POMGNT1: variants seen among roughly 807,000 people sequenced by gnomAD.
The protein encoded by POMGNT1 is protein O-linked-mannose beta-1,2-N-acetylglucosaminyltransferase 1.
In POMGNT1, 67 loss-of-function variants were observed where a neutral mutation model predicts 95.6. The observed-to-expected ratio is 0.70, with a 90% CI of 0.58 to 0.86. The LOEUF is 0.86. Ranked by LOEUF, POMGNT1 falls within the 40% of genes least tolerant of loss-of-function variation. POMGNT1 has a pLI of 0.00. For synonymous variants in POMGNT1, 298 were observed against 317.9 expected, an observed-to-expected ratio of 0.94 and a Z score of 0.66; for missense variants, 719 against 855.2, an observed-to-expected ratio of 0.84 and a Z score of 1.99.
Position 46,196,527 on chromosome 1 carries a change from C to T in POMGNT1, c.354+204G>A, listed in dbSNP as rs1167788166. Reference sequence around the variant, plus strand: ...ATTACTTTTGAGATCCCACTACATACAAGACACTTCACAAACTTTTCATTG... The same window carrying T: ...ATTACTTTTGAGATCCCACTACATATAAGACACTTCACAAACTTTTCATTG... On this transcript the variant is annotated intron_variant, in intron 4 of 21. Coordinates refer to ENST00000371984, the MANE Select transcript of POMGNT1 (RefSeq NM_017739.4). This position sits in a 1 kb window ranked among gnomAD's most constrained non-coding sequence, Gnocchi z 4.4. Among the ~76,000 whole-genome samples, 1 of 152,240 alleles carries T rather than the reference C, an allele frequency of 6.6e-6. No homozygotes were observed. Among genetic ancestry groups the T allele is most frequent in the African/African-American group, 2.4e-5 (1 of 41,460 alleles).
chr1:46,191,229 C>T lies in POMGNT1; in HGVS notation c.1540-445G>A, dbSNP rs1411508295. 12 of 271,066 alleles carry T rather than the reference C, an allele frequency of 4.4e-5. 1 individual carries two copies. Among genetic ancestry groups the T allele is most frequent in the South Asian group, 2.5e-4 (6 of 23,818 alleles). The allele number at this position is 271,066 out of a possible 1,614,324, so 16.8% of individuals were successfully genotyped here. The stretch of plus-strand genomic sequence containing the variant: ...CCCTCTCTGGGAGAGGAATGGGGCT[C>T]GCGTATTAGTCAGCCTCTGAGGGAC... On this transcript the variant is annotated intron_variant, in intron 17 of 21. Transcript: ENST00000371984.
intron 16 of POMGNT1, 34 bp downstream of exon 16, chr1:46,192,274 G>A (rs768117136): frequency 1.2e-6 from 2 of 1,614,172 alleles, no homozygotes; most frequent in Non-Finnish European, 1.7e-6. Flanking sequence ...GTTGGTAGGG[G>A]ACTCCAGCCC....
Position 46,196,679 on chromosome 1 carries a change from C to T in POMGNT1, c.354+52G>A. 6.2e-7 allele frequency: 1 copy of T among 1,613,338 alleles called. No individual in the cohort carries two copies. Among genetic ancestry groups the T allele is most frequent in the Non-Finnish European group, 8.5e-7 (1 of 1,179,992 alleles). Reference sequence around the variant, plus strand: ...GGCAGTAGACCCTGCTGCCAGTGGACCATGCCCTGAGCAGAATAGAGTGAC... The same window carrying T: ...GGCAGTAGACCCTGCTGCCAGTGGATCATGCCCTGAGCAGAATAGAGTGAC... On this transcript the variant is annotated intron_variant, in intron 4 of 21. Transcript: ENST00000371984. This position sits in a 1 kb window ranked among gnomAD's most constrained non-coding sequence, Gnocchi z 4.4.
At chr1:46,202,563 C>T (rs1426042409), upstream of POMGNT1, among the ~76,000 whole-genome samples, 3 of 151,680 alleles carry the variant, frequency 2.0e-5, no homozygotes, top group African/African-American at 4.8e-5. Context: ...GGCATGGTGG[C>T]GCATGCCTGT....
intron 1 of POMGNT1, among the ~76,000 whole-genome samples, chr1:46,206,558 C>T (rs1658723653): frequency 6.6e-6 from 1 of 152,112 alleles, no homozygotes; most frequent in African/African-American, 2.4e-5. Context: ...AGCTGTTTAT[C>T]CTATACTCTA....
Position 46,197,599 on chromosome 1 carries a change from C to G in POMGNT1, c.120+103G>C, listed in dbSNP as rs1020394865. 6.9e-6 allele frequency: 11 copies of G among 1,583,354 alleles called. No homozygotes were observed. The African/African-American group carries it at 1.3e-4, about 19-fold the overall frequency. ...TCTCCCCTCTAGGAACCTGCTGCCC[C>G]TTTCCCACTGGGGCTGGCCAACAGG... On this transcript the variant is annotated intron_variant, in intron 2 of 21. Coordinates refer to ENST00000371984, the MANE Select transcript of POMGNT1 (RefSeq NM_017739.4).
intron 1 of POMGNT1, among the ~76,000 whole-genome samples, chr1:46,206,133 C>T (rs1291621423): frequency 6.6e-6 from 1 of 152,218 alleles, no homozygotes; most frequent in Non-Finnish European, 1.5e-5. Context: ...CAACCCACCT[C>T]CACAGAGGCA....
Position 46,188,741 on chromosome 1 carries a change from A to T in POMGNT1, c.*529T>A, listed in dbSNP as rs774668767. On this transcript the variant is annotated 3_prime_UTR_variant, in exon 22 of 22. Coordinates refer to ENST00000371984, the MANE Select transcript of POMGNT1 (RefSeq NM_017739.4). ...AACTTATCCAGCTTTGGAAATCTGG[A>T]CAAAGAGAAGGCTGAGAGGAGGCCT... 16 of 1,609,528 alleles carry T rather than the reference A, an allele frequency of 9.9e-6. No individual in the cohort carries two copies. The highest frequency in any genetic ancestry group is 1.4e-5 in the Non-Finnish European group (16 of 1,177,466).
In POMGNT1 at chr1:46,196,940, C is replaced by T. The variant is rs1374225111; in HGVS notation, c.235+30G>A. 2 of 1,614,056 alleles carry T rather than the reference C, an allele frequency of 1.2e-6. No individual in the cohort carries two copies. Among genetic ancestry groups the T allele is most frequent in the Non-Finnish European group, 1.7e-6 (2 of 1,180,028 alleles). On this transcript the variant is annotated intron_variant, in intron 3 of 21. Coordinates refer to ENST00000371984, the MANE Select transcript of POMGNT1 (RefSeq NM_017739.4). The surrounding 1 kb of genome is among the most constrained non-coding windows in gnomAD (Gnocchi z 4.4). ...GCCACTCCAGCTGTGAGATCCAAGG[C>T]CCCCTACCCCATCCTTAGCCTAGCC...
rs199534074 is a variant in POMGNT1, at chr1:46,189,326, A to C, written c.1927T>G (p.Phe643Val). ...VKKPPSVTPI[F>V]LEPPPKEEGA... ...TCCTCCTTTGGGGGTGGCTCCAGGA[A>C]AATTGGGGTGACTGAGGGTGGCTTC... is the stretch of plus-strand genomic sequence containing the variant. The change falls in exon 22 of 22, where the codon TTC becomes GTC. Residue 643 changes from phenylalanine to valine, a missense_variant. This residue lies in a region of POMGNT1 where 130 missense variants were observed against 149.2 expected (regional missense o/e 0.87). Transcript: ENST00000371984. The C allele has an allele frequency of 2.0e-5, 32 of 1,613,734 alleles. No individual in the cohort carries two copies. The highest frequency in any genetic ancestry group is 6.7e-5 in the Admixed American group (4 of 59,994).
chr1:46,191,630 A>G (rs556053493), intron 17 of POMGNT1: 15 of 246,204 alleles, frequency 6.1e-5, no homozygotes, highest in Non-Finnish European at 1.1e-4. Flanking sequence ...GTGAGGTAGT[A>G]GTATTTTATC....
At chr1:46,198,729 G>A (rs1363344662), upstream of POMGNT1, among the ~76,000 whole-genome samples, 2 of 152,140 alleles carry the variant, frequency 1.3e-5, no homozygotes, top group African/African-American at 2.4e-5. Flanking sequence ...CACAGGGCAC[G>A]CCAGGGTCAG....
chr1:46,190,135 G>A, intron 19 of POMGNT1, 146 bp from the exon 20 acceptor site: 4 of 978,844 alleles, frequency 4.1e-6, no homozygotes, highest in African/African-American at 1.8e-5. Flanking sequence ...GTCTTGCTCT[G>A]TCGCCCAGGC....
chr1:46,201,178 C>T (rs1658522159), upstream of POMGNT1, among the ~76,000 whole-genome samples: 1 of 151,610 alleles, frequency 6.6e-6, no homozygotes, highest in African/African-American at 2.4e-5. Context: ...AAAACCCTTC[C>T]ATGGATCAAA....
intron 1 of POMGNT1, among the ~76,000 whole-genome samples, chr1:46,218,478 C>T (rs112700704): frequency 2.3e-3 from 354 of 152,256 alleles, no homozygotes; most frequent in African/African-American, 8.2e-3. Context: ...ATGCTAGAGG[C>T]GAAACTATAG....
chr1:46,191,640 C>T (rs1240653859), intron 17 of POMGNT1: 4 of 252,212 alleles, frequency 1.6e-5, no homozygotes, highest in African/African-American at 9.0e-5. Context: ...AGTATTTTAT[C>T]CTCTTTTTTT....
rs1411348760 is a variant in POMGNT1 at position 46,189,495 on chromosome 1, G to A, written c.1858C>T (p.His620Tyr). The A allele has an allele frequency of 6.2e-7, 1 of 1,613,526 alleles. No individual in the cohort carries two copies. The highest frequency in any genetic ancestry group is 1.7e-5 in the Admixed American group (1 of 59,908). ...GCCGGGACCCCCACCATCAGGAAGT[G>A]GTTCTTCTTCCGAAACAATCTCCAC... ...GLWRLFRKKNHFLMVGVPASP... is the reference protein window; with the variant it reads ...GLWRLFRKKNYFLMVGVPASP... The change falls in exon 21 of 22, where the codon CAC becomes TAC. Residue 620 changes from histidine (H) to tyrosine (Y), a missense_variant. Physicochemically the swap from His to Tyr is moderately conservative, Grantham distance 83 (BLOSUM62 2). Coordinates refer to ENST00000371984, the MANE Select transcript of POMGNT1 (RefSeq NM_017739.4).
exon 1 of POMGNT1, chr1:46,220,210 C>A (rs1557688407): frequency 6.2e-7 from 1 of 1,606,198 alleles, no homozygotes. Flanking sequence ...GATGATGTGA[C>A]CTTCTTGTAA....
intron 1 of POMGNT1, among the ~76,000 whole-genome samples, chr1:46,219,398 T>G (rs1244173534): frequency 1.3e-5 from 2 of 152,214 alleles, no homozygotes; most frequent in African/African-American, 4.8e-5. Context: ...TGCTAGGCAC[T>G]GTGCTGAGTA....
Sources: allele counts gnomAD v4.1 joint callset (sites outside exome capture counted in the v4.1 genomes callset), GRCh38; gene constraint gnomAD v4.1.1; regional missense constraint gnomAD v4.1.1; non-coding constraint Gnocchi (gnomAD v3.1); transcripts MANE v1.5; gene names NCBI Gene and HGNC (gene_info 2026-07-23, HGNC 2026-07-21).